The following CEP83 variants were observed in gnomAD, a reference collection of about 807,000 sequenced individuals.
The protein encoded by CEP83 is centrosomal protein of 83 kDa.
Under a neutral mutation model 101.9 loss-of-function variants are expected in CEP83, and 70 were observed. The ratio of observed to expected loss-of-function variants is 0.69; its 90% CI spans 0.57 to 0.84. The LOEUF is 0.84. Ranked by LOEUF, CEP83 falls within the 40% of genes least tolerant of loss-of-function variation. The pLI, the probability that CEP83 is intolerant of heterozygous loss-of-function variation, is 0.00. For synonymous variants in CEP83, 264 were observed against 267.9 expected (o/e 0.99, Z 0.14); for missense variants, 715 against 787.2 (o/e 0.91, Z 1.10).
intron 1 of CEP83, among the ~76,000 whole-genome samples, chr12:94,441,088 A>G (rs1334486133): frequency 6.6e-6 from 1 of 152,238 alleles, no homozygotes; most frequent in African/African-American, 2.4e-5. Flanking sequence ...CTAGAAAATA[A>G]TATCAGAAAA....
chr12:94,422,598 G>A (rs189330699), intron 2 of CEP83, among the ~76,000 whole-genome samples: 85 of 152,270 alleles, frequency 5.6e-4, no homozygotes, highest in Non-Finnish European at 1.2e-4. Flanking sequence ...ACTCCAGAAA[G>A]TTCCTTCATA....
chr12:94,320,008 C>G (rs939909664), intron 14 of CEP83, among the ~76,000 whole-genome samples: 2 of 152,306 alleles, frequency 1.3e-5, no homozygotes, highest in South Asian at 2.1e-4. Context: ...TCTCTAAGAA[C>G]TTGCTTTATG....
intron 12 of CEP83, among the ~76,000 whole-genome samples, chr12:94,334,452 C>G (rs960631499): frequency 6.6e-6 from 1 of 152,218 alleles, no homozygotes; most frequent in East Asian, 1.9e-4. Flanking sequence ...ATACCTCCCC[C>G]ACAAGCTATT....
Position 94,412,520 on chromosome 12 carries a change from T to G in CEP83, c.-30A>C. On this transcript the variant is annotated 5_prime_UTR_variant, in exon 3 of 17. Transcript: ENST00000397809. ...AAATAAGTTTTGGCTTTCTTACTGTTTTAGTTTTCTTTCCAAGGGTATTTC... is the reference window on the plus strand; with the variant it reads ...AAATAAGTTTTGGCTTTCTTACTGTGTTAGTTTTCTTTCCAAGGGTATTTC... 1 of 1,600,860 alleles carries G rather than the reference T, an allele frequency of 6.2e-7. No homozygotes were observed. Among genetic ancestry groups the G allele is most frequent in the Non-Finnish European group, 8.5e-7 (1 of 1,172,886 alleles).
At chr12:94,335,744 T>C (rs1593226967) in intron 11 of CEP83, 80 bp from the exon 12 acceptor site, 1 of 900,590 alleles carries the variant, frequency 1.1e-6, no homozygotes, top group African/African-American at 1.7e-5. Context: ...GTCATTTTAT[T>C]GAATGCCTGT....
chr12:94,315,508 T>C (rs1970534324), intron 14 of CEP83, among the ~76,000 whole-genome samples: 1 of 152,140 alleles, frequency 6.6e-6, no homozygotes, highest in African/African-American at 2.4e-5. Flanking sequence ...GTATTGCAGA[T>C]TGACCTTCTC....
intron 11 of CEP83, among the ~76,000 whole-genome samples, chr12:94,357,530 G>T (rs560141595): frequency 6.6e-6 from 1 of 152,308 alleles, no homozygotes; most frequent in South Asian, 2.1e-4. Flanking sequence ...GCCGTCTCGG[G>T]CCCTGTTCTA....
At chr12:94,291,322 A>C in the CEP83 span, among the ~76,000 whole-genome samples, 1 of 151,756 alleles carries the variant, frequency 6.6e-6, no homozygotes, top group Non-Finnish European at 1.5e-5. Flanking sequence ...TGCACCCTTG[A>C]CCTCCCACGC....
At chr12:94,425,294 T>C (rs573098726) in intron 2 of CEP83, among the ~76,000 whole-genome samples, 22 of 152,282 alleles carry the variant, frequency 1.4e-4, no homozygotes, top group African/African-American at 5.1e-4. Flanking sequence ...AAATGGGGAC[T>C]GAATTAAGAA....
downstream of CEP83, chr12:94,307,167 A>G (rs1181706733): frequency 6.6e-6 from 1 of 152,156 alleles, no homozygotes; most frequent in Non-Finnish European, 1.5e-5. Context: ...CTGTGTGGAG[A>G]GTTACCTCCT....
the CEP83 span, among the ~76,000 whole-genome samples, chr12:94,300,396 G>A: frequency 1.3e-5 from 2 of 152,198 alleles, no homozygotes; most frequent in Non-Finnish European, 2.9e-5. Flanking sequence ...AGCACAAGTT[G>A]TGAGGCACGT....
At chr12:94,383,940 A>G (rs1480266044) in intron 6 of CEP83, among the ~76,000 whole-genome samples, 4 of 152,172 alleles carry the variant, frequency 2.6e-5, no homozygotes, top group Admixed American at 2.0e-4. Context: ...CTATATATTT[A>G]GAACCACATC....
chr12:94,354,692 A>AC (rs2060361436), intron 11 of CEP83, among the ~76,000 whole-genome samples: 1 of 152,216 alleles, frequency 6.6e-6, no homozygotes, highest in African/African-American at 2.4e-5. Context: ...CTCCTGAATG[A>AC]CCAATGAGTC....
chr12:94,347,236 G>C (rs761862916), intron 11 of CEP83, among the ~76,000 whole-genome samples: 3 of 151,882 alleles, frequency 2.0e-5, no homozygotes, highest in Non-Finnish European at 4.4e-5. Flanking sequence ...GATAACTTCT[G>C]AATGTAAAAA....
intron 14 of CEP83, among the ~76,000 whole-genome samples, chr12:94,326,688 G>C (rs1375037802): frequency 6.6e-6 from 1 of 152,140 alleles, no homozygotes; most frequent in Non-Finnish European, 1.5e-5. Flanking sequence ...TACATAACAG[G>C]AGTGAAATCT....
At position 94,423,879 on chromosome 12, in the gene CEP83, C is replaced by T; in HGVS notation, c.-101-11288G>A. ...GGGGTGTACTGGGAGATGTAAGCTCCTTGCATAGCTGCAGCCGTCAGCATA... is the reference window on the plus strand; with the variant it reads ...GGGGTGTACTGGGAGATGTAAGCTCTTTGCATAGCTGCAGCCGTCAGCATA... On this transcript the variant is annotated intron_variant, in intron 2 of 16. Coordinates refer to ENST00000397809, the MANE Select transcript of CEP83 (RefSeq NM_016122.3). 3 of 1,612,376 alleles carry T rather than the reference C, an allele frequency of 1.9e-6. No homozygotes were observed. In the South Asian group the frequency reaches 3.3e-5, roughly 18 times the overall value.
chr12:94,447,698 T>C (rs1487043305), intron 1 of CEP83, among the ~76,000 whole-genome samples: 1 of 152,006 alleles, frequency 6.6e-6, no homozygotes, highest in Non-Finnish European at 1.5e-5. Flanking sequence ...TATATAATAA[T>C]AATAGCACCA....
intron 11 of CEP83, among the ~76,000 whole-genome samples, chr12:94,336,597 G>A (rs1255455636): frequency 6.6e-6 from 1 of 152,148 alleles, no homozygotes; most frequent in Non-Finnish European, 1.5e-5. Context: ...TGTGTGAGAT[G>A]ATTGGATAAT....
intron 1 of CEP83, among the ~76,000 whole-genome samples, chr12:94,442,957 C>A (rs2066519750): frequency 6.6e-6 from 1 of 152,194 alleles, no homozygotes; most frequent in Non-Finnish European, 1.5e-5. Flanking sequence ...TTAACAGAAG[C>A]CTCCTAGACA....
Sources: allele counts gnomAD v4.1 joint callset (sites outside exome capture counted in the v4.1 genomes callset), GRCh38; gene constraint gnomAD v4.1.1; transcripts MANE v1.5; gene names NCBI Gene and HGNC (gene_info 2026-07-23, HGNC 2026-07-21).